Variants in PCDHB7 observed in about 807,000 individuals in gnomAD.
PCDHB7 encodes the protein protocadherin beta-7.
For synonymous variants in PCDHB7, 542 were observed against 463.1 expected (o/e 1.17, Z -2.19); for missense variants, 1,148 against 1,011.6 (o/e 1.13, Z -1.83).
In PCDHB7 at chr5:141,175,314, T is replaced by C. The variant is rs186431369; in HGVS notation, c.*97T>C. Reference sequence around the variant, plus strand: ...GGGAGTGTCTTTACATCATTTCAAATATGTACTCTTGAAGTCAAGCAATAA... The same window carrying C: ...GGGAGTGTCTTTACATCATTTCAAACATGTACTCTTGAAGTCAAGCAATAA... On this transcript the variant is annotated 3_prime_UTR_variant, in exon 1 of 1. Coordinates refer to ENST00000231137, the MANE Select transcript of PCDHB7 (RefSeq NM_018940.4). 134 of 1,229,592 alleles carry C rather than the reference T, an allele frequency of 1.1e-4. 1 individual carries two copies. The highest frequency in any genetic ancestry group is 6.1e-4 in the African/African-American group (38 of 62,642). 76.2% of individuals were successfully genotyped at this position (1,229,592 alleles called of 1,614,324 possible).
In PCDHB7 at chr5:141,172,811, T is replaced by G; in HGVS notation, c.-25T>G. 1 of 1,587,146 alleles carries G rather than the reference T, an allele frequency of 6.3e-7. No individual in the cohort carries two copies. Among genetic ancestry groups the G allele is most frequent in the Non-Finnish European group, 8.6e-7 (1 of 1,162,098 alleles). On this transcript the variant is annotated 5_prime_UTR_variant, in exon 1 of 1. Coordinates refer to ENST00000231137, the MANE Select transcript of PCDHB7 (RefSeq NM_018940.4). ...GCCGCTGGAGGCTGAGTGAAAGTCA[T>G]TTTGAAAGACTGATCCAAAGAAGAA...
Position 141,172,906 on chromosome 5 carries a change from C to T in PCDHB7, c.71C>T (p.Ser24Phe). Residue 24 changes from serine (S) to phenylalanine (F), a missense_variant, in exon 1 of 1, where the codon TCT becomes TTT. By Grantham distance (155) the Ser-to-Phe change is radical. Transcript: ENST00000231137. ...TTTCTTTGTGTATTTCTGGGAATGT[C>T]TTGGGCTGGCGCCGAACCGCTTCGG... Reference protein sequence around the residue: ...VLFLCVFLGMSWAGAEPLRYF... With the variant: ...VLFLCVFLGMFWAGAEPLRYF... 6.2e-7 allele frequency: 1 copy of T among 1,614,140 alleles called. No homozygotes were observed. Among genetic ancestry groups the T allele is most frequent in the Non-Finnish European group, 8.5e-7 (1 of 1,180,032 alleles).
At position 141,173,099 on chromosome 5, in the gene PCDHB7, G is replaced by A. The variant is rs1208787496; in HGVS notation, c.264G>A (p.Glu88=). 3 of 1,614,074 alleles carry A rather than the reference G, an allele frequency of 1.9e-6. No homozygotes were observed. The highest frequency in any genetic ancestry group is 1.7e-5 in the Admixed American group (1 of 60,012). The part of the protein sequence containing the change: ...SSLTGDLLLN[E]KLDREELCGP... Reference sequence around the variant, plus strand: ...TTACTGGTGATCTACTTCTAAATGAGAAATTGGACCGAGAGGAACTGTGTG... The same window carrying A: ...TTACTGGTGATCTACTTCTAAATGAAAAATTGGACCGAGAGGAACTGTGTG... The change falls in exon 1 of 1, where the codon GAG becomes GAA. Residue 88 remains glutamate, a synonymous_variant. Transcript: ENST00000231137.
chr5:141,173,260 T>C lies in PCDHB7; in HGVS notation c.425T>C (p.Ile142Thr), dbSNP rs1316128488. 6.8e-6 allele frequency: 11 copies of C among 1,613,932 alleles called. No homozygotes were observed. The highest frequency in any genetic ancestry group is 9.3e-6 in the Non-Finnish European group (11 of 1,180,016). The change falls in exon 1 of 1, where the codon ATA (isoleucine) becomes ACA (threonine). Residue 142 changes from isoleucine to threonine, a missense_variant. Ile to Thr is a moderately conservative substitution (Grantham distance 89, BLOSUM62 -1). Coordinates refer to ENST00000231137, the MANE Select transcript of PCDHB7 (RefSeq NM_018940.4). The part of the protein sequence containing the change: ...VFLDREISLK[I>T]LESTTPGAAF... ...CTAGACAGAGAGATTTCCTTGAAAA[T>C]ATTAGAAAGTACCACTCCAGGGGCG... is the stretch of plus-strand genomic sequence containing the variant.
Position 141,173,072 on chromosome 5 carries a change from G to C in PCDHB7, c.237G>C (p.Ser79=). 4 of 1,614,134 alleles carry C rather than the reference G, an allele frequency of 2.5e-6. No individual in the cohort carries two copies. The highest frequency in any genetic ancestry group is 2.5e-6 in the Non-Finnish European group (3 of 1,180,028). ...ACATGCAAATTTTACTGCTCAGTTC[G>C]CTTACTGGTGATCTACTTCTAAATG... ...DQNMQILLLS[S]LTGDLLLNEK... Residue 79 remains serine, a synonymous_variant, in exon 1 of 1, where the codon TCG becomes TCC. Coordinates refer to ENST00000231137, the MANE Select transcript of PCDHB7 (RefSeq NM_018940.4).
Position 141,173,350 on chromosome 5 carries a change from T to G in PCDHB7, c.515T>G (p.Ile172Ser), listed in dbSNP as rs782551142. Residue 172 changes from isoleucine (I) to serine (S), a missense_variant, in exon 1 of 1, where the codon ATC (isoleucine) becomes AGC (serine). By Grantham distance (142) the Ile-to-Ser change is moderately radical (BLOSUM62 -2). Transcript: ENST00000231137. ...VGTNSLSNYT[I>S]SPNAYFHINV... ...ACCAACAGCCTGAGTAACTACACCA[T>G]CAGCCCCAATGCCTATTTCCATATT... 1.2e-6 allele frequency: 2 copies of G among 1,613,770 alleles called. No homozygotes were observed. Among genetic ancestry groups the G allele is most frequent in the Non-Finnish European group, 1.7e-6 (2 of 1,179,846 alleles).
In PCDHB7 at chr5:141,173,346, A is replaced by G. The variant is rs1753262420; in HGVS notation, c.511A>G (p.Thr171Ala). 1 of 1,613,754 alleles carries G rather than the reference A, an allele frequency of 6.2e-7. No individual in the cohort carries two copies. Among genetic ancestry groups the G allele is most frequent in the Admixed American group, 1.7e-5 (1 of 59,990 alleles). The change falls in exon 1 of 1, where the codon ACC becomes GCC. Residue 171 changes from threonine (T) to alanine (A), a missense_variant. Thr to Ala is a moderately conservative substitution (Grantham distance 58). Transcript: ENST00000231137. ...TGGAACCAACAGCCTGAGTAACTAC[A>G]CCATCAGCCCCAATGCCTATTTCCA... ...DVGTNSLSNY[T>A]ISPNAYFHIN... is the part of the protein sequence containing the mutation.
At position 141,173,205 on chromosome 5, in the gene PCDHB7, A is replaced by C; in HGVS notation, c.370A>C (p.Arg124=). 1.2e-6 allele frequency: 2 copies of C among 1,614,154 alleles called. No homozygotes were observed. The highest frequency in any genetic ancestry group is 1.7e-6 in the Non-Finnish European group (2 of 1,180,008). ...FQIFRAELWV[R]DINDHAPVFL... The stretch of plus-strand genomic sequence containing the variant: ...GATTTTCCGTGCTGAACTATGGGTC[A>C]GAGACATCAATGATCACGCTCCAGT... Residue 124 remains arginine, a synonymous_variant, in exon 1 of 1, where the codon AGA becomes CGA. Transcript: ENST00000231137.
Position 141,174,068 on chromosome 5 carries a change from A to G in PCDHB7, c.1233A>G (p.Arg411=). The G allele has an allele frequency of 1.9e-6, 3 of 1,614,042 alleles. No individual in the cohort carries two copies. The highest frequency in any genetic ancestry group is 2.5e-6 in the Non-Finnish European group (3 of 1,179,928). Residue 411 remains arginine, a synonymous_variant, in exon 1 of 1, where the codon CGA becomes CGG. Transcript: ENST00000231137. ...TGGTAACAGAGAAACCTTTGGATCG[A>G]GAGAGGAACACTGAGTACAACATCA... The part of the protein sequence containing the change: ...YTLVTEKPLD[R]ERNTEYNITI...
chr5:141,173,022 G>C lies in PCDHB7; in HGVS notation c.187G>C (p.Gly63Arg). The change falls in exon 1 of 1, where the codon GGA becomes CGA. Residue 63 changes from glycine to arginine, a missense_variant. Physicochemically the swap from Gly to Arg is moderately radical, Grantham distance 125. Coordinates refer to ENST00000231137, the MANE Select transcript of PCDHB7 (RefSeq NM_018940.4). ...GLGVGELRAR[G>R]TRIVSDQNMQ... Reference sequence around the variant, plus strand: ...AGGGGTAGGGGAACTGAGAGCCCGGGGAACTAGAATTGTTTCAGACCAGAA... The same window carrying C: ...AGGGGTAGGGGAACTGAGAGCCCGGCGAACTAGAATTGTTTCAGACCAGAA... The C allele has an allele frequency of 6.2e-7, 1 of 1,614,178 alleles. No individual in the cohort carries two copies. Among genetic ancestry groups the C allele is most frequent in the Non-Finnish European group, 8.5e-7 (1 of 1,180,034 alleles).
rs1554279815 is a variant in PCDHB7, at chr5:141,172,742, TATTCAGCTCATTTCAAAGG to T, written c.-89_-71del. 1 of 984,602 alleles carries T rather than the reference TATTCAGCTCATTTCAAAGG, an allele frequency of 1.0e-6. No individual in the cohort carries two copies. Among genetic ancestry groups the T allele is most frequent in the East Asian group, 2.4e-5 (1 of 41,620 alleles). The allele number at this position is 984,602 out of a possible 1,614,324, so 61.0% of individuals were successfully genotyped here. A position where few individuals can be genotyped will look rare whatever the true frequency, so the allele number is the denominator to read the frequency against. On this transcript the variant is annotated 5_prime_UTR_variant, in exon 1 of 1. The change abolishes the stop of an existing upstream ORF in the 5' untranslated region. Transcript: ENST00000231137. ...GATCCTTCCCCACAAACATTGCTATTATTCAGCTCATTTCAAAGGATTCCGCTGCTGCCATTTGTGAGAG... is the reference window on the plus strand; with the variant it reads ...GATCCTTCCCCACAAACATTGCTATTATTCCGCTGCTGCCATTTGTGAGAG...
Position 141,173,981 on chromosome 5 carries a change from G to C in PCDHB7, c.1146G>C (p.Val382=), listed in dbSNP as rs782126664. The stretch of plus-strand genomic sequence containing the variant: ...ATTCCGGGAACAATGGAAAGACAGT[G>C]TGCTCCATCCAGGACGATGTCCCCT... ...DRDSGNNGKT[V]CSIQDDVPFI... is the part of the protein sequence containing the mutation. The change falls in exon 1 of 1, where the codon GTG becomes GTC. Residue 382 remains valine (V), a synonymous_variant. Transcript: ENST00000231137. 6.2e-7 allele frequency: 1 copy of C among 1,614,118 alleles called. No individual in the cohort carries two copies.
rs1397549275 is a variant in PCDHB7, at chr5:141,174,115, G to T, written c.1280G>T (p.Gly427Val). ...YNITITVTDL[G>V]TPRLKTEHNI... Reference sequence around the variant, plus strand: ...ATCACCATCACCGTCACCGACTTGGGGACACCCAGGCTGAAAACCGAGCAC... The same window carrying T: ...ATCACCATCACCGTCACCGACTTGGTGACACCCAGGCTGAAAACCGAGCAC... Residue 427 changes from glycine (G) to valine (V), a missense_variant, in exon 1 of 1, where the codon GGG (glycine) becomes GTG (valine). By Grantham distance (109) the Gly-to-Val change is moderately radical (BLOSUM62 -3). Coordinates refer to ENST00000231137, the MANE Select transcript of PCDHB7 (RefSeq NM_018940.4). The T allele has an allele frequency of 1.2e-6, 2 of 1,613,996 alleles. No homozygotes were observed. The highest frequency in any genetic ancestry group is 4.5e-5 in the East Asian group (2 of 44,890).
chr5:141,173,828 C>T lies in PCDHB7; in HGVS notation c.993C>T (p.Cys331=). The T allele has an allele frequency of 1.2e-6, 2 of 1,614,168 alleles. No individual in the cohort carries two copies. Among genetic ancestry groups the T allele is most frequent in the East Asian group, 2.2e-5 (1 of 44,886 alleles). ...AKDGGGLSGK[C]TVVVDVTDIN... The stretch of plus-strand genomic sequence containing the variant: ...ACGGCGGCGGGCTTTCTGGAAAATG[C>T]ACTGTAGTGGTTGATGTAACAGATA... The change falls in exon 1 of 1, where the codon TGC becomes TGT. Residue 331 remains cysteine, a synonymous_variant. Coordinates refer to ENST00000231137, the MANE Select transcript of PCDHB7 (RefSeq NM_018940.4).
chr5:141,174,149 C>A lies in PCDHB7; in HGVS notation c.1314C>A (p.Thr438=). ...TPRLKTEHNI[T]VLVSDVNDNA... ...GGCTGAAAACCGAGCACAACATAAC[C>A]GTGCTGGTCTCCGACGTCAATGACA... Residue 438 remains threonine (T), a synonymous_variant, in exon 1 of 1, where the codon ACC becomes ACA. Coordinates refer to ENST00000231137, the MANE Select transcript of PCDHB7 (RefSeq NM_018940.4). 1 of 1,614,004 alleles carries A rather than the reference C, an allele frequency of 6.2e-7. No homozygotes were observed. Among genetic ancestry groups the A allele is most frequent in the Non-Finnish European group, 8.5e-7 (1 of 1,180,044 alleles).
chr5:141,174,960 G>A lies in PCDHB7; in HGVS notation c.2125G>A (p.Val709Met). 6.2e-7 allele frequency: 1 copy of A among 1,611,292 alleles called. No individual in the cohort carries two copies. Among genetic ancestry groups the A allele is most frequent in the Non-Finnish European group, 8.5e-7 (1 of 1,178,154 alleles). The change falls in exon 1 of 1, where the codon GTG becomes ATG. Residue 709 changes from valine to methionine, a missense_variant. By Grantham distance (21) the Val-to-Met change is conservative (BLOSUM62 1). Transcript: ENST00000231137. ...CCTCTCGGTGCTCCTGTTCGTGGCG[G>A]TGCGGCTGTGCAGGAGGAGCAGGGC... ...FLLSVLLFVAVRLCRRSRAAP... is the reference protein window; with the variant it reads ...FLLSVLLFVAMRLCRRSRAAP...
At position 141,175,190 on chromosome 5, in the gene PCDHB7, C is replaced by T. The variant is rs532026348; in HGVS notation, c.2355C>T (p.Arg785=). 4.4e-6 allele frequency: 7 copies of T among 1,607,650 alleles called. No homozygotes were observed. The highest frequency in any genetic ancestry group is 4.5e-5 in the East Asian group (2 of 44,744). Residue 785 remains arginine (R), a synonymous_variant, in exon 1 of 1, where the codon CGC becomes CGT. Transcript: ENST00000231137. ...QSTGREVEEN[R]PFQNNLGF Reference sequence around the variant, plus strand: ...CAGGCAGGGAAGTGGAAGAAAATCGCCCATTTCAGAATAATTTGGGTTTCT... The same window carrying T: ...CAGGCAGGGAAGTGGAAGAAAATCGTCCATTTCAGAATAATTTGGGTTTCT...
chr5:141,175,283 C>G lies in PCDHB7; in HGVS notation c.*66C>G. ...TGATTAGGAACTTATTGCGAGGTTC[C>G]CTTAAGGGAGTGTCTTTACATCATT... On this transcript the variant is annotated 3_prime_UTR_variant, in exon 1 of 1. Transcript: ENST00000231137. The G allele has an allele frequency of 6.9e-7, 1 of 1,449,474 alleles. No homozygotes were observed. The highest frequency in any genetic ancestry group is 1.3e-5 in the South Asian group (1 of 74,208). 89.8% of individuals were successfully genotyped at this position (1,449,474 alleles called of 1,614,324 possible).
Position 141,174,776 on chromosome 5 carries a change from T to C in PCDHB7, c.1941T>C (p.Asn647=), listed in dbSNP as rs1753332866. The C allele has an allele frequency of 1.9e-6, 3 of 1,611,266 alleles. No individual in the cohort carries two copies. The highest frequency in any genetic ancestry group is 2.5e-6 in the Non-Finnish European group (3 of 1,179,720). ...GGCTGGTGGTGCTGGTCAAGGACAA[T>C]GGCGAGCCTCCGCGCTCGGCCACCG... The part of the protein sequence containing the change: ...KQRLVVLVKD[N]GEPPRSATAT... Residue 647 remains asparagine (N), a synonymous_variant, in exon 1 of 1, where the codon AAT becomes AAC. Coordinates refer to ENST00000231137, the MANE Select transcript of PCDHB7 (RefSeq NM_018940.4).
Sources: gnomAD v4.1 joint callset for allele counts on GRCh38, gnomAD v4.1.1 for gene constraint, MANE v1.5 for transcripts, NCBI Gene and HGNC (gene_info 2026-07-23, HGNC 2026-07-21) for gene names.